Variants in PKHD1 observed in about 807,000 individuals in gnomAD.
PKHD1 encodes fibrocystin.
In PKHD1, 291 loss-of-function variants were observed where a neutral mutation model predicts 412.0. The observed-to-expected ratio is 0.71, with a 90% CI of 0.64 to 0.78. The LOEUF (loss-of-function observed/expected upper bound fraction) is 0.78, where lower values mean the gene tolerates loss of function less well. Ranked by LOEUF, PKHD1 falls within the 30% of genes least tolerant of loss-of-function variation. The pLI is 0.00. For missense variants in PKHD1, 4,825 were observed against 4,950.7 expected, an observed-to-expected ratio of 0.97 and a Z score of 0.76; for synonymous variants, 1,777 against 1,821.5, an observed-to-expected ratio of 0.98 and a Z score of 0.62.
chr6:51,987,745 T>C (rs1796388542), intron 35 of PKHD1, among the ~76,000 whole-genome samples: 1 of 152,094 alleles, frequency 6.6e-6, no homozygotes, highest in South Asian at 2.1e-4. Flanking sequence ...TTTTTTTTTT[T>C]TCTGAAACTG....
intron 27 of PKHD1, among the ~76,000 whole-genome samples, chr6:52,040,121 A>G (rs774943641): frequency 5.3e-5 from 8 of 152,200 alleles, no homozygotes; most frequent in Non-Finnish European, 1.2e-4. Context: ...ACAGTGACTG[A>G]CTACTAATGT....
intron 55 of PKHD1, among the ~76,000 whole-genome samples, chr6:51,766,572 T>C (rs1562263956): frequency 6.6e-6 from 1 of 152,058 alleles, no homozygotes; most frequent in African/African-American, 2.4e-5. Flanking sequence ...TTTTTGTGGC[T>C]TACATATTCA....
At chr6:51,950,822 C>T (rs1790262320) in intron 36 of PKHD1, among the ~76,000 whole-genome samples, 1 of 152,122 alleles carries the variant, frequency 6.6e-6, no homozygotes, top group Non-Finnish European at 1.5e-5. Flanking sequence ...TTTCCAGCTC[C>T]TCTGCTAGGT....
At chr6:51,796,560 G>A (rs1023490449) in intron 52 of PKHD1, among the ~76,000 whole-genome samples, 2 of 151,560 alleles carry the variant, frequency 1.3e-5, no homozygotes, top group Non-Finnish European at 2.9e-5. Flanking sequence ...GTTTGCTCTA[G>A]GTTCTCTAGT....
rs5876246 is a variant in PKHD1, at chr6:51,953,593, TA to T, written c.5908+6276del. The stretch of plus-strand genomic sequence containing the variant: ...CAACCAAGTATACAATCCCTGGGAT[TA>T]AAAAAAAAAAAGGCTGTGATAGGTT... On this transcript the variant is annotated intron_variant, in intron 36 of 66. Coordinates refer to ENST00000371117, the MANE Select transcript of PKHD1 (RefSeq NM_138694.4). Among the ~76,000 whole-genome samples the T allele has an allele frequency of 5.3e-3, 759 of 142,736 alleles. 3 individuals are homozygous for T. The highest frequency in any genetic ancestry group is 9.6e-3 in the African/African-American group (376 of 38,978). 93.6% of individuals were successfully genotyped at this position (142,736 alleles called of 152,430 possible). A position where few individuals can be genotyped will look rare whatever the true frequency, so the allele number is the denominator to read the frequency against.
intron 50 of PKHD1, among the ~76,000 whole-genome samples, chr6:51,844,809 A>C (rs905958447): frequency 6.6e-6 from 1 of 152,160 alleles, no homozygotes; most frequent in Non-Finnish European, 1.5e-5. Flanking sequence ...GCCAGCCAAG[A>C]AAAGGAGCCA....
chr6:51,725,511 A>C (rs182104434), intron 60 of PKHD1, among the ~76,000 whole-genome samples: 1 of 152,320 alleles, frequency 6.6e-6, no homozygotes. Context: ...GGAAATGCAA[A>C]GAAGAAGGAA....
intron 50 of PKHD1, among the ~76,000 whole-genome samples, chr6:51,839,448 C>T (rs577864733): frequency 4.6e-5 from 7 of 152,204 alleles, no homozygotes; most frequent in South Asian, 4.1e-4. Flanking sequence ...CTTTTTCTGA[C>T]GAGTGCTATG....
chr6:51,770,286 T>C (rs1202204147), intron 55 of PKHD1, among the ~76,000 whole-genome samples: 3 of 151,882 alleles, frequency 2.0e-5, no homozygotes, highest in Non-Finnish European at 4.4e-5. Context: ...TGTTTTGCTA[T>C]GATTGAAGGC....
At chr6:51,855,749 T>A in intron 49 of PKHD1, 144 bp downstream of exon 49, 1 of 719,614 alleles carries the variant, frequency 1.4e-6, no homozygotes, top group Non-Finnish European at 2.5e-6. Flanking sequence ...AAAATACTAT[T>A]GAAGTTTTCT....
chr6:52,075,039 C>T (rs902208582), intron 6 of PKHD1, among the ~76,000 whole-genome samples: 13 of 145,276 alleles, frequency 8.9e-5, no homozygotes, highest in Admixed American at 6.8e-5. Flanking sequence ...AAGACTTCTG[C>T]CATCTACACA....
intron 47 of PKHD1, 57 bp from the exon 48 acceptor site, chr6:51,868,166 C>T: frequency 7.3e-7 from 1 of 1,370,362 alleles, no homozygotes; most frequent in Non-Finnish European, 1.0e-6. Context: ...CAACTAAATT[C>T]ACTGGAGTGA....
chr6:52,004,265 C>T (rs965184766), intron 35 of PKHD1, among the ~76,000 whole-genome samples: 14 of 152,018 alleles, frequency 9.2e-5, no homozygotes, highest in Admixed American at 9.2e-4. Context: ...TTCTGCAAGG[C>T]CCAATCTAAT....
chr6:51,769,725 A>G (rs1789730961), intron 55 of PKHD1, among the ~76,000 whole-genome samples: 1 of 151,366 alleles, frequency 6.6e-6, no homozygotes, highest in African/African-American at 2.4e-5. Flanking sequence ...TTTTTTGTTT[A>G]GAATAACTGT....
At chr6:51,986,439 G>A (rs1353526418) in intron 35 of PKHD1, among the ~76,000 whole-genome samples, 1 of 152,220 alleles carries the variant, frequency 6.6e-6, no homozygotes, top group Middle Eastern at 3.2e-3. Flanking sequence ...GCTACTGACA[G>A]CATCCAGATG....
intron 5 of PKHD1, among the ~76,000 whole-genome samples, chr6:52,077,479 A>G (rs1811491189): frequency 6.6e-6 from 1 of 152,198 alleles, no homozygotes; most frequent in South Asian, 2.1e-4. Context: ...TCCCATTTGC[A>G]AAACAAATTA....
chr6:51,755,482 T>C (rs1325877667), intron 55 of PKHD1, among the ~76,000 whole-genome samples: 1 of 152,180 alleles, frequency 6.6e-6, no homozygotes, highest in Non-Finnish European at 1.5e-5. Context: ...CTCGGCTTCA[T>C]ATCCTCATCT....
chr6:51,685,721 T>C (rs1777336391), intron 60 of PKHD1, among the ~76,000 whole-genome samples: 1 of 152,090 alleles, frequency 6.6e-6, no homozygotes, highest in South Asian at 2.1e-4. Context: ...AACTTCTTTG[T>C]TTTAGTTGAG....
chr6:52,066,855 G>T (rs1009835715), intron 11 of PKHD1, among the ~76,000 whole-genome samples: 2 of 152,028 alleles, frequency 1.3e-5, no homozygotes, highest in Non-Finnish European at 2.9e-5. Context: ...AGCCAAGATG[G>T]TGCCACTGCA....
Sources: allele counts gnomAD v4.1 joint callset (sites outside exome capture counted in the v4.1 genomes callset), GRCh38; gene constraint gnomAD v4.1.1; transcripts MANE v1.5; gene names NCBI Gene and HGNC (gene_info 2026-07-23, HGNC 2026-07-21).